Variants in RANBP17 observed in about 807,000 individuals in gnomAD.
RANBP17 encodes the protein ran-binding protein 17.
A neutral mutation model predicts 141.2 loss-of-function variants in RANBP17; 158 were observed. The observed-to-expected ratio is 1.12, with a 90% confidence interval of 0.98 to 1.28. RANBP17 has a LOEUF of 1.28. RANBP17 is among the 50% of genes most tolerant of loss of function. The pLI is 0.00. For synonymous variants in RANBP17, 430 were observed against 450.0 expected (o/e 0.96, Z 0.56); for missense variants, 1,438 against 1,290.7 (o/e 1.11, Z -1.75).
At chr5:171,197,492 C>G (rs1212196797) in intron 18 of RANBP17, among the ~76,000 whole-genome samples, 1 of 152,154 alleles carries the variant, frequency 6.6e-6, no homozygotes, top group Admixed American at 6.5e-5. Flanking sequence ...CTGCCGAGCC[C>G]TACATAATTC....
At chr5:171,004,466 G>C (rs1269633505) in intron 14 of RANBP17, among the ~76,000 whole-genome samples, 2 of 152,110 alleles carry the variant, frequency 1.3e-5, no homozygotes, top group African/African-American at 4.8e-5. Flanking sequence ...TTGAAGCTTG[G>C]CCATCAATAC....
chr5:171,195,943 G>A (rs946880439), intron 18 of RANBP17, among the ~76,000 whole-genome samples: 8 of 152,178 alleles, frequency 5.3e-5, no homozygotes, highest in African/African-American at 9.7e-5. Flanking sequence ...CATTGCCTGC[G>A]TAAGCACTCA....
intron 14 of RANBP17, among the ~76,000 whole-genome samples, chr5:171,110,278 G>A (rs902189992): frequency 6.6e-6 from 1 of 151,860 alleles, no homozygotes; most frequent in Non-Finnish European, 1.5e-5. Context: ...TTATAGGATT[G>A]ATATGAAGAT....
chr5:171,243,094 T>A, intron 24 of RANBP17: 1 of 391,722 alleles, frequency 2.6e-6, no homozygotes, highest in Non-Finnish European at 4.6e-6. Flanking sequence ...CTTGTACAAA[T>A]GTGTACATGT....
intron 5 of RANBP17, 82 bp downstream of exon 5, chr5:170,896,197 T>G (rs1197576282): frequency 2.1e-6 from 2 of 934,266 alleles, no homozygotes; most frequent in Non-Finnish European, 3.3e-6. Flanking sequence ...TGTGGCAAAA[T>G]AGACAGCCTT....
At position 170,881,850 on chromosome 5, in the gene RANBP17, T is replaced by C; in HGVS notation, c.210T>C (p.Leu70=). The C allele has an allele frequency of 6.2e-7, 1 of 1,610,318 alleles. No individual in the cohort carries two copies. The highest frequency in any genetic ancestry group is 8.5e-7 in the Non-Finnish European group (1 of 1,177,962). ...QLLAATCLSK[L]VSRVSPLPVE... is the part of the protein sequence containing the mutation. ...TTGCAGCAACATGTCTTTCAAAACT[T>C]GTCAGCCGAGTCAGTCCTTTACCTG... The change falls in exon 3 of 28, where the codon CTT becomes CTC. Residue 70 remains leucine (L), a synonymous_variant. Transcript: ENST00000523189.
intron 13 of RANBP17, among the ~76,000 whole-genome samples, chr5:170,959,866 G>A (rs1192896882): frequency 6.6e-6 from 1 of 152,138 alleles, no homozygotes; most frequent in African/African-American, 2.4e-5. Context: ...CTGAGAAGGC[G>A]AAGTTGGTCT....
intron 1 of RANBP17, among the ~76,000 whole-genome samples, chr5:170,876,911 G>A (rs1232566455): frequency 6.6e-6 from 1 of 152,126 alleles, no homozygotes; most frequent in East Asian, 1.9e-4. Flanking sequence ...ATTGAAATCT[G>A]TGCCAATATT....
intron 14 of RANBP17, among the ~76,000 whole-genome samples, chr5:171,131,230 A>G (rs185370444): frequency 1.4e-4 from 21 of 152,314 alleles, no homozygotes; most frequent in African/African-American, 4.8e-4. Context: ...TTCCATATAA[A>G]ATATAAAATT....
chr5:171,231,358 A>G (rs1764199415), intron 22 of RANBP17, among the ~76,000 whole-genome samples: 1 of 152,162 alleles, frequency 6.6e-6, no homozygotes, highest in Admixed American at 6.5e-5. Flanking sequence ...TACAAAATTT[A>G]TATTATCACA....
intron 14 of RANBP17, among the ~76,000 whole-genome samples, chr5:171,070,910 C>T (rs1334691331): frequency 1.3e-5 from 2 of 152,010 alleles, no homozygotes; most frequent in African/African-American, 4.8e-5. Flanking sequence ...TTTGTTTAAC[C>T]TGTCTCCAAT....
intron 14 of RANBP17, among the ~76,000 whole-genome samples, chr5:171,155,709 A>G (rs1019458823): frequency 6.6e-5 from 10 of 152,200 alleles, no homozygotes; most frequent in Non-Finnish European, 1.3e-4. Context: ...ATTCATTTGT[A>G]TAGTGGATTG....
At chr5:170,903,184 A>G (rs1358847182) in intron 5 of RANBP17, among the ~76,000 whole-genome samples, 1 of 152,218 alleles carries the variant, frequency 6.6e-6, no homozygotes, top group East Asian at 1.9e-4. Context: ...CCTTTCTTTC[A>G]GAAATGCCTT....
intron 2 of RANBP17, 106 bp downstream of exon 2, chr5:170,878,349 T>C (rs1768369520): frequency 3.1e-6 from 3 of 966,736 alleles, no homozygotes; most frequent in Non-Finnish European, 4.3e-6. Context: ...TGCCACATGG[T>C]TTTTTTGTTT....
chr5:171,096,620 A>C (rs1786712447), intron 14 of RANBP17, among the ~76,000 whole-genome samples: 1 of 152,208 alleles, frequency 6.6e-6, no homozygotes, highest in Non-Finnish European at 1.5e-5. Flanking sequence ...CCAAAGGGTA[A>C]GAGAAAAAGA....
chr5:170,878,284 A>G, intron 2 of RANBP17, 41 bp downstream of exon 2: 2 of 1,512,346 alleles, frequency 1.3e-6, no homozygotes, highest in Non-Finnish European at 1.8e-6. Flanking sequence ...AAAGATCAGT[A>G]GATGTATGTC....
chr5:170,945,551 C>G (rs1369321327), intron 12 of RANBP17, among the ~76,000 whole-genome samples: 1 of 152,052 alleles, frequency 6.6e-6, no homozygotes, highest in African/African-American at 2.4e-5. Flanking sequence ...GTACTAGAGG[C>G]AGGATTTGAA....
chr5:171,284,197 A>G (rs953188909), intron 25 of RANBP17, among the ~76,000 whole-genome samples: 5 of 152,184 alleles, frequency 3.3e-5, no homozygotes, highest in Admixed American at 2.0e-4. Flanking sequence ...ATTCATTGCC[A>G]TAGCCACCTA....
intron 25 of RANBP17, among the ~76,000 whole-genome samples, chr5:171,288,799 G>T (rs1191478709): frequency 6.6e-6 from 1 of 152,146 alleles, no homozygotes; most frequent in Admixed American, 6.5e-5. Context: ...GAAAGTTCTT[G>T]TCATTAGAAA....
Sources: gnomAD v4.1 joint callset for allele counts (sites outside exome capture counted in the v4.1 genomes callset) on GRCh38, gnomAD v4.1.1 for gene constraint, MANE v1.5 for transcripts, NCBI Gene and HGNC (gene_info 2026-07-23, HGNC 2026-07-21) for gene names.